NMBR: variants seen among roughly 807,000 people sequenced by gnomAD.
The protein encoded by NMBR is neuromedin B receptor.
NMBR carries 16 observed loss-of-function variants against 20.5 expected under a neutral mutation model. That is an observed-to-expected ratio of 0.78 (90% CI 0.53 to 1.19). The LOEUF (loss-of-function observed/expected upper bound fraction) is 1.19. NMBR is among the 50% of genes most tolerant of loss of function. The pLI, the probability that NMBR is intolerant of heterozygous loss-of-function variation, is 0.00. For missense variants in NMBR, 582 were observed against 499.1 expected (o/e 1.17, Z -1.58); for synonymous variants, 212 against 196.6 (o/e 1.08, Z -0.65).
chr6:142,115,089 C>A (rs1221441169), intron 1 of NMBR, among the ~76,000 whole-genome samples: 7 of 152,032 alleles, frequency 4.6e-5, no homozygotes, highest in African/African-American at 1.7e-4. Flanking sequence ...AGCTGTGTGC[C>A]TTCAGGACTT....
intron 1 of NMBR, among the ~76,000 whole-genome samples, chr6:142,093,571 G>A (rs561907261): frequency 5.7e-4 from 86 of 151,976 alleles, no homozygotes; most frequent in African/African-American, 2.0e-3. Flanking sequence ...ATTTGGGTTG[G>A]TTCCAAGTCT....
At chr6:142,120,495 A>C (rs1157633282) in intron 1 of NMBR, among the ~76,000 whole-genome samples, 1 of 151,932 alleles carries the variant, frequency 6.6e-6, no homozygotes, top group African/African-American at 2.4e-5. Flanking sequence ...AGATCTGCAG[A>C]GGGGTCTACT....
intron 1 of NMBR, among the ~76,000 whole-genome samples, chr6:142,096,926 A>T (rs1777465770): frequency 6.6e-6 from 1 of 151,878 alleles, no homozygotes; most frequent in Non-Finnish European, 1.5e-5. Context: ...CCATTATGTA[A>T]TGGCCTTCTT....
chr6:142,083,469 T>C (rs956032639), intron 2 of NMBR, among the ~76,000 whole-genome samples: 1 of 152,184 alleles, frequency 6.6e-6, no homozygotes, highest in Non-Finnish European at 1.5e-5. Flanking sequence ...TCCTTATTTT[T>C]AAGCTGCCTT....
chr6:142,082,925 A>G (rs1161717889), intron 2 of NMBR, among the ~76,000 whole-genome samples: 1 of 152,222 alleles, frequency 6.6e-6, no homozygotes, highest in Non-Finnish European at 1.5e-5. Flanking sequence ...GGTTAGCAGC[A>G]CCCAGAAACC....
chr6:142,123,732 A>AAACCATTC (rs1401390662), intron 1 of NMBR, among the ~76,000 whole-genome samples: 1 of 151,924 alleles, frequency 6.6e-6, no homozygotes, highest in Non-Finnish European at 1.5e-5. Context: ...TTTAAACAAT[A>AAACCATTC]AACCATTCAA....
At chr6:142,129,452 T>A (rs1343551669) in intron 1 of NMBR, among the ~76,000 whole-genome samples, 2 of 152,126 alleles carry the variant, frequency 1.3e-5, no homozygotes, top group Non-Finnish European at 2.9e-5. Context: ...TATATTTTAA[T>A]GATTAAATTA....
chr6:142,147,107 C>A lies in NMBR; in HGVS notation c.-727G>T. On this transcript the variant is annotated 5_prime_UTR_variant, in exon 1 of 4. Transcript: ENST00000258042. ...AAAATGCTCGGGTCTTCTGTGGGTT[C>A]TAACCGCCGAGAGCCAAGCACCCTG... The A allele has an allele frequency of 1.6e-6, 1 of 632,512 alleles. No individual in the cohort carries two copies. Among genetic ancestry groups the A allele is most frequent in the Non-Finnish European group, 2.8e-6 (1 of 361,056 alleles). 39.2% of individuals were successfully genotyped at this position (632,512 alleles called of 1,614,324 possible). A position where few individuals can be genotyped will look rare whatever the true frequency, so the allele number is the denominator to read the frequency against.
At chr6:142,135,180 A>G (rs114796700) in intron 1 of NMBR, 185 of 193,286 alleles carry the variant, frequency 9.6e-4, no homozygotes, top group African/African-American at 3.9e-3. Context: ...GTTCTCTCAC[A>G]TACATGTTAA....
At chr6:142,094,566 G>A (rs1234444475) in intron 1 of NMBR, among the ~76,000 whole-genome samples, 1 of 152,170 alleles carries the variant, frequency 6.6e-6, no homozygotes, top group Non-Finnish European at 1.5e-5. Context: ...TTGCAGTACA[G>A]TTTGAAGTCA....
Position 142,088,541 on chromosome 6 carries a change from A to T in NMBR, c.118T>A (p.Leu40Met). The T allele has an allele frequency of 1.2e-6, 2 of 1,613,530 alleles. No homozygotes were observed. Among genetic ancestry groups the T allele is most frequent in the Non-Finnish European group, 1.7e-6 (2 of 1,179,904 alleles). Residue 40 changes from leucine (L) to methionine (M), a missense_variant, in exon 2 of 4, where the codon TTG becomes ATG. By Grantham distance (15) the Leu-to-Met change is conservative. Transcript: ENST00000258042. ...LPASDGTTTE[L>M]VIRCVIPSLY... ...GACGGGATCACACAGCGGATCACCA[A>T]CTCCGTGGTGGTCCCGTCCGAGGCC... is the stretch of plus-strand genomic sequence containing the variant.
intron 1 of NMBR, among the ~76,000 whole-genome samples, chr6:142,141,306 C>T (rs1778357406): frequency 6.6e-6 from 1 of 152,032 alleles, no homozygotes; most frequent in Non-Finnish European, 1.5e-5. Context: ...AACAACATAC[C>T]TTTATTAACC....
At chr6:142,077,800 G>A (rs1776979241) in intron 3 of NMBR, among the ~76,000 whole-genome samples, 1 of 152,188 alleles carries the variant, frequency 6.6e-6, no homozygotes, top group South Asian at 2.1e-4. Context: ...CCCGTTAGAA[G>A]TTCTTTTCTA....
In NMBR at chr6:142,088,868, G is replaced by T. The variant is rs1326020090; in HGVS notation, c.-210C>A. Reference sequence around the variant, plus strand: ...CACTCGGGCGCTCCGCTTCTAGAGGGGGGAAATGGCTCCGGCTAACTCTGA... The same window carrying T: ...CACTCGGGCGCTCCGCTTCTAGAGGTGGGAAATGGCTCCGGCTAACTCTGA... On this transcript the variant is annotated 5_prime_UTR_variant, in exon 2 of 4. Transcript: ENST00000258042. The T allele has an allele frequency of 4.0e-6, 2 of 498,400 alleles. No homozygotes were observed. The highest frequency in any genetic ancestry group is 3.9e-5 in the South Asian group (1 of 25,334). 30.9% of individuals were successfully genotyped at this position (498,400 alleles called of 1,614,324 possible).
At chr6:142,135,218 A>C (rs1778230244) in intron 1 of NMBR, 1 of 168,988 alleles carries the variant, frequency 5.9e-6, no homozygotes, top group Non-Finnish European at 1.3e-5. Context: ...GGCCAGAGAA[A>C]CTTTTATTGT....
rs371545578 is a variant in NMBR, at chr6:142,088,402, G to T, written c.257C>A (p.Ala86Glu). The part of the protein sequence containing the change: ...SVPNIFISNL[A>E]AGDLLLLLTC... ...GAGCAGCAGCAGCAAGTCCCCGGCC[G>T]CCAGGTTAGAGATGAAGATGTTGGG... Residue 86 changes from alanine (A) to glutamate (E), a missense_variant, in exon 2 of 4, where the codon GCG becomes GAG. Physicochemically the swap from Ala to Glu is moderately radical, Grantham distance 107 (BLOSUM62 -1). Coordinates refer to ENST00000258042, the MANE Select transcript of NMBR (RefSeq NM_002511.4). The T allele has an allele frequency of 1.2e-6, 2 of 1,614,090 alleles. No homozygotes were observed. The highest frequency in any genetic ancestry group is 1.7e-6 in the Non-Finnish European group (2 of 1,179,998).
In NMBR at chr6:142,075,589, C is replaced by T. The variant is rs118178270; in HGVS notation, c.*59G>A. ...TAAGCAACAGCAAGTTCTGATCTGC[C>T]GAATAGGAATTTTAACAGTTACTAA... On this transcript the variant is annotated 3_prime_UTR_variant, in exon 4 of 4. Transcript: ENST00000258042. 6,208 of 1,482,680 alleles carry T rather than the reference C, an allele frequency of 4.2e-3. 20 individuals carry two copies. Among genetic ancestry groups the T allele is most frequent in the Non-Finnish European group, 5.2e-3 (5,684 of 1,103,236 alleles). The allele number at this position is 1,482,680 out of a possible 1,614,324, so 91.8% of individuals were successfully genotyped here. A position where few individuals can be genotyped will look rare whatever the true frequency, so the allele number is the denominator to read the frequency against.
chr6:142,121,682 C>A (rs192357046), intron 1 of NMBR, among the ~76,000 whole-genome samples: 1 of 151,864 alleles, frequency 6.6e-6, no homozygotes, highest in Non-Finnish European at 1.5e-5. Flanking sequence ...CAACAGAAAC[C>A]TTTTATTCCC....
At chr6:142,085,663 G>T (rs1207910309) in intron 2 of NMBR, among the ~76,000 whole-genome samples, 5 of 152,098 alleles carry the variant, frequency 3.3e-5, no homozygotes, top group Non-Finnish European at 5.9e-5. Flanking sequence ...ATCTAATGAT[G>T]CTGACATCAA....
Sources: allele counts gnomAD v4.1 joint callset (sites outside exome capture counted in the v4.1 genomes callset), GRCh38; gene constraint gnomAD v4.1.1; transcripts MANE v1.5; gene names NCBI Gene and HGNC (gene_info 2026-07-23, HGNC 2026-07-21).